Variants in SESN2 observed in about 807,000 individuals in gnomAD.
The protein encoded by SESN2 is sestrin-2.
Under a neutral mutation model 56.0 loss-of-function variants are expected in SESN2, and 42 were observed. That is an observed-to-expected ratio of 0.75 (90% confidence interval 0.59 to 0.97). SESN2 has a LOEUF of 0.97. Among genes scored for constraint, SESN2 ranks in the 50% least tolerant of loss-of-function variants. The pLI is 0.00. For synonymous variants in SESN2, 264 were observed against 267.1 expected (o/e 0.99, Z 0.11); for missense variants, 507 against 649.4 (o/e 0.78, Z 2.38).
At chr1:28,279,385 C>T in intron 9 of SESN2, 144 bp downstream of exon 9, 1 of 748,606 alleles carries the variant, frequency 1.3e-6, no homozygotes, top group Non-Finnish European at 2.1e-6. Context: ...GGATTGAAGT[C>T]CTATTCCACT....
At chr1:28,273,548 T>A in intron 6 of SESN2, 40 bp downstream of exon 6, 1 of 1,502,312 alleles carries the variant, frequency 6.7e-7, no homozygotes, top group Non-Finnish European at 8.9e-7. Context: ...TGGCTGCTCC[T>A]TCTTAGGCTA....
intron 5 of SESN2, 42 bp from the exon 6 acceptor site, chr1:28,273,316 A>AAGG: frequency 5.3e-6 from 8 of 1,512,688 alleles, no homozygotes; most frequent in Non-Finnish European, 7.1e-6. Flanking sequence ...CCAGAGGCTG[A>AAGG]AGGAGGAGGA....
At chr1:28,260,053 G>C (rs1405490567) in intron 1 of SESN2, 116 bp downstream of exon 1, 15 of 737,354 alleles carry the variant, frequency 2.0e-5, no homozygotes, top group Non-Finnish European at 2.4e-5. Context: ...AGCCGAGCGC[G>C]TAACCCGGGA....
chr1:28,265,601 G>A (rs1360657104), intron 1 of SESN2, among the ~76,000 whole-genome samples: 1 of 152,096 alleles, frequency 6.6e-6, no homozygotes, highest in Non-Finnish European at 1.5e-5. Context: ...CTCCATGTTG[G>A]TCAGGCTGGT....
At chr1:28,278,694 C>G (rs538536781) in intron 8 of SESN2, among the ~76,000 whole-genome samples, 9 of 152,306 alleles carry the variant, frequency 5.9e-5, no homozygotes, top group Admixed American at 4.6e-4. Flanking sequence ...AAAACAAAAA[C>G]AAAGACCATT....
chr1:28,280,231 C>T (rs1403365466), intron 9 of SESN2, among the ~76,000 whole-genome samples: 1 of 152,096 alleles, frequency 6.6e-6, no homozygotes, highest in East Asian at 1.9e-4. Context: ...ATAAATACTG[C>T]TGTATTTCAA....
intron 1 of SESN2, among the ~76,000 whole-genome samples, chr1:28,260,213 C>T (rs980658129): frequency 1.3e-4 from 19 of 151,386 alleles, no homozygotes; most frequent in East Asian, 1.2e-3. Flanking sequence ...GATCCTTCCT[C>T]GGCTCCCTCG....
At chr1:28,273,911 C>T (rs1647913043) in intron 6 of SESN2, 129 bp from the exon 7 acceptor site, 1 of 690,376 alleles carries the variant, frequency 1.4e-6, no homozygotes, top group Non-Finnish European at 2.6e-6. Flanking sequence ...TCTTGCCCCA[C>T]TCACTATAGC....
At chr1:28,274,732 G>A (rs1557734746) in intron 7 of SESN2, 93 bp from the exon 8 acceptor site, 2 of 981,068 alleles carry the variant, frequency 2.0e-6, no homozygotes, top group East Asian at 2.4e-5. Flanking sequence ...CACCAGGAAG[G>A]AGAATCATGG....
intron 8 of SESN2, among the ~76,000 whole-genome samples, chr1:28,276,570 C>CTTTTTTTT (rs57474365): frequency 1.9e-4 from 18 of 94,732 alleles, no homozygotes; most frequent in Non-Finnish European, 2.3e-4. Context: ...TTTTTCTTTC[C>CTTTTTTTT]TTTTTTTTTT....
chr1:28,274,088 A>G lies in SESN2; in HGVS notation c.950A>G (p.Glu317Gly). 2 of 1,614,112 alleles carry G rather than the reference A, an allele frequency of 1.2e-6. No individual in the cohort carries two copies. The highest frequency in any genetic ancestry group is 1.7e-6 in the Non-Finnish European group (2 of 1,180,002). Residue 317 changes from glutamate to glycine, a missense_variant, in exon 7 of 10, where the codon GAA becomes GGA. By Grantham distance (98) the Glu-to-Gly change is moderately conservative. Transcript: ENST00000253063. ...CACCCAGACATGCTGTGCTTTGTGGAAGACCCTACTTTCGGATATGAGGAC... is the reference window on the plus strand; with the variant it reads ...CACCCAGACATGCTGTGCTTTGTGGGAGACCCTACTTTCGGATATGAGGAC... ...SPHPDMLCFV[E>G]DPTFGYEDFT...
chr1:28,267,255 C>A (rs1647589514), intron 1 of SESN2, among the ~76,000 whole-genome samples: 1 of 152,156 alleles, frequency 6.6e-6, no homozygotes, highest in Non-Finnish European at 1.5e-5. Flanking sequence ...CGGAAGTTCC[C>A]AGAAGTGTGG....
intron 1 of SESN2, among the ~76,000 whole-genome samples, chr1:28,262,905 G>A (rs551342552): frequency 3.3e-5 from 5 of 152,164 alleles, no homozygotes; most frequent in Non-Finnish European, 7.3e-5. Context: ...TCCAGCCTGG[G>A]TGACAGAGTG....
At position 28,280,907 on chromosome 1, in the gene SESN2, A is replaced by G; in HGVS notation, c.*105A>G. On this transcript the variant is annotated 3_prime_UTR_variant, in exon 10 of 10. Coordinates refer to ENST00000253063, the MANE Select transcript of SESN2 (RefSeq NM_031459.5). ...CCCATGCCCACCCTCCCCACGCTGCAGTGGGCTTGTGTGTGATGTGCAGTC... is the reference window on the plus strand; with the variant it reads ...CCCATGCCCACCCTCCCCACGCTGCGGTGGGCTTGTGTGTGATGTGCAGTC... 1.2e-6 allele frequency: 1 copy of G among 837,832 alleles called. No homozygotes were observed. Among genetic ancestry groups the G allele is most frequent in the Non-Finnish European group, 2.0e-6 (1 of 503,206 alleles). 51.9% of individuals were successfully genotyped at this position (837,832 alleles called of 1,614,324 possible).
rs1464762986 is a variant in SESN2 at position 28,282,000 on chromosome 1, A to AC, written c.*1203dup. Reference sequence around the variant, plus strand: ...TCCTGGGTGCCTTCTGAGGACTCCCACCCCCATCCCAGTATCTCATCTGTC... The same window carrying AC: ...TCCTGGGTGCCTTCTGAGGACTCCCACCCCCCATCCCAGTATCTCATCTGTC... On this transcript the variant is annotated 3_prime_UTR_variant, in exon 10 of 10. Coordinates refer to ENST00000253063, the MANE Select transcript of SESN2 (RefSeq NM_031459.5). The AC allele has an allele frequency of 6.6e-6, 1 of 152,048 alleles. No individual in the cohort carries two copies. Among genetic ancestry groups the AC allele is most frequent in the East Asian group, 1.9e-4 (1 of 5,196 alleles). The allele number at this position is 152,048 out of a possible 1,614,324, so 9.4% of individuals were successfully genotyped here.
In SESN2 at chr1:28,282,469, G is replaced by A. The variant is rs558910693; in HGVS notation, c.*1667G>A. 5.9e-5 allele frequency: 9 copies of A among 152,278 alleles called. No homozygotes were observed. Among genetic ancestry groups the A allele is most frequent in the East Asian group, 1.9e-4 (1 of 5,176 alleles). The allele number at this position is 152,278 out of a possible 1,614,324, so 9.4% of individuals were successfully genotyped here. ...CAGTTCCATATGATGAGAAATAAAC[G>A]TTCGCTGAGGTTTTGTTTCATACTC... On this transcript the variant is annotated 3_prime_UTR_variant, in exon 10 of 10. Coordinates refer to ENST00000253063, the MANE Select transcript of SESN2 (RefSeq NM_031459.5).
chr1:28,274,295 G>C lies in SESN2; in HGVS notation c.1020+137G>C, dbSNP rs1647942033. 6.0e-6 allele frequency: 4 copies of C among 661,270 alleles called. No homozygotes were observed. The East Asian group carries it at 7.9e-5, about 13-fold the overall frequency. 41.0% of individuals were successfully genotyped at this position (661,270 alleles called of 1,614,324 possible). On this transcript the variant is annotated intron_variant, in intron 7 of 9. Transcript: ENST00000253063. ...ACCTGTAATCCCAGCACTTTGGGAA[G>C]CCAAGGTGGGAGGATTGCTTGAGCC...
intron 1 of SESN2, among the ~76,000 whole-genome samples, chr1:28,266,568 T>C (rs943391231): frequency 7.3e-5 from 11 of 150,572 alleles, no homozygotes; most frequent in Non-Finnish European, 1.6e-4. Flanking sequence ...TTTTTTTTTT[T>C]TTTTTTTTTG....
chr1:28,276,466 G>A lies in SESN2; in HGVS notation c.1211+1451G>A, dbSNP rs115519728. 8.2e-3 allele frequency among the ~76,000 whole-genome samples: 1,239 copies of A among 151,310 alleles called. 10 individuals are homozygous for A. Among genetic ancestry groups the A allele is most frequent in the South Asian group, 0.027 (132 of 4,802 alleles). On this transcript the variant is annotated intron_variant, in intron 8 of 9. Transcript: ENST00000253063. ...TGCACTCCAGCCTGGGCCACACAGC[G>A]AGACCCTTCACTAAAAAAATACAAA...
Sources: allele counts gnomAD v4.1 joint callset (sites outside exome capture counted in the v4.1 genomes callset), GRCh38; gene constraint gnomAD v4.1.1; transcripts MANE v1.5; gene names NCBI Gene and HGNC (gene_info 2026-07-23, HGNC 2026-07-21).